The following ACTR3B variants were observed in gnomAD, a reference collection of about 807,000 sequenced individuals.
ACTR3B encodes the protein actin-related protein 3B.
In ACTR3B, 8 loss-of-function variants were observed where a neutral mutation model predicts 59.0. The observed-to-expected ratio is 0.14, with a 90% CI of 0.08 to 0.24. ACTR3B has a LOEUF of 0.24. ACTR3B is among the 10% of genes least tolerant of loss of function. ACTR3B has a pLI of 1.00. For missense variants in ACTR3B, 245 were observed against 552.3 expected, an observed-to-expected ratio of 0.44 and a Z score of 5.58; for synonymous variants, 148 against 197.9, an observed-to-expected ratio of 0.75 and a Z score of 2.12.
intron 9 of ACTR3B, among the ~76,000 whole-genome samples, chr7:152,826,050 G>A (rs981230294): frequency 2.6e-5 from 4 of 152,094 alleles, no homozygotes; most frequent in Non-Finnish European, 5.9e-5. Context: ...TCAGCTCAGT[G>A]GCATGACTCA....
chr7:152,814,942 TCTTTGA>T (rs1194212216), intron 5 of ACTR3B, among the ~76,000 whole-genome samples: 3 of 151,658 alleles, frequency 2.0e-5, no homozygotes, highest in Admixed American at 1.3e-4. Flanking sequence ...TCTTTTGGCA[TCTTTGA>T]CTTTGATCAG....
At chr7:152,848,471 A>G (rs1014138173) in intron 9 of ACTR3B, among the ~76,000 whole-genome samples, 2 of 152,216 alleles carry the variant, frequency 1.3e-5, no homozygotes, top group Non-Finnish European at 2.9e-5. Context: ...TAGCAAAAGA[A>G]CAAAAAAACA....
At chr7:152,766,019 C>A (rs2098109020) in intron 1 of ACTR3B, among the ~76,000 whole-genome samples, 1 of 151,994 alleles carries the variant, frequency 6.6e-6, no homozygotes, top group African/African-American at 2.4e-5. Flanking sequence ...ATTTCTCTAA[C>A]TTTTCTCTGG....
intron 2 of ACTR3B, among the ~76,000 whole-genome samples, chr7:152,797,046 T>G (rs897266574): frequency 7.2e-5 from 11 of 152,010 alleles, no homozygotes; most frequent in Admixed American, 5.9e-4. Context: ...TCTCCTGAAA[T>G]TCAGTCACAA....
rs570691977 is a variant in ACTR3B, at chr7:152,853,710, T to C, written c.1161+133T>C. On this transcript the variant is annotated intron_variant, in intron 11 of 11. Coordinates refer to ENST00000256001, the MANE Select transcript of ACTR3B (RefSeq NM_020445.6). ...TCTAAACAGACCATTCTGTAAGATA[T>C]AAATTATATCTTTTTTGTTTTTTCG... The C allele has an allele frequency of 5.3e-6, 4 of 755,280 alleles. No homozygotes were observed. The South Asian group carries it at 5.7e-5, about 11-fold the overall frequency. 46.8% of individuals were successfully genotyped at this position (755,280 alleles called of 1,614,324 possible).
chr7:152,760,262 C>T (rs1050268853), intron 1 of ACTR3B, among the ~76,000 whole-genome samples: 21 of 152,210 alleles, frequency 1.4e-4, no homozygotes, highest in African/African-American at 4.8e-4. Flanking sequence ...GGGTGGACAC[C>T]CTGAGGGACA....
At chr7:152,759,976 GC>G (rs1228061863) in intron 1 of ACTR3B, 50 bp downstream of exon 1, 2 of 1,298,154 alleles carry the variant, frequency 1.5e-6, no homozygotes, top group Non-Finnish European at 2.0e-6. Context: ...CCCGCTCCCG[GC>G]CCCTGGCGTC....
chr7:152,801,164 C>T (rs1302620515), intron 3 of ACTR3B, among the ~76,000 whole-genome samples: 8 of 152,400 alleles, frequency 5.2e-5, no homozygotes, highest in Admixed American at 1.3e-4. Flanking sequence ...ACTGCAGCCT[C>T]GACCTCCTGA....
intron 2 of ACTR3B, among the ~76,000 whole-genome samples, chr7:152,788,737 C>T (rs1321237065): frequency 6.6e-6 from 1 of 152,082 alleles, no homozygotes; most frequent in Non-Finnish European, 1.5e-5. Context: ...AAAGCTCTTA[C>T]AGGCCAGGCG....
At chr7:152,766,803 T>C (rs2098111818) in intron 1 of ACTR3B, among the ~76,000 whole-genome samples, 2 of 152,338 alleles carry the variant, frequency 1.3e-5, no homozygotes, top group South Asian at 2.1e-4. Context: ...TTCTGTTTTT[T>C]TGAGACAGAG....
chr7:152,799,634 A>G (rs184105995), intron 2 of ACTR3B, among the ~76,000 whole-genome samples: 118 of 152,386 alleles, frequency 7.7e-4, no homozygotes, highest in African/African-American at 2.6e-3. Context: ...TAATTCATCC[A>G]GAAAAATGCC....
intron 9 of ACTR3B, among the ~76,000 whole-genome samples, chr7:152,836,872 AATTG>A (rs1797502537): frequency 1.3e-5 from 2 of 152,272 alleles, no homozygotes; most frequent in East Asian, 1.9e-4. Flanking sequence ...TCCTTGTGGA[AATTG>A]ATTAAGAATG....
chr7:152,854,728 T>C lies in ACTR3B; in HGVS notation c.*175T>C, dbSNP rs755806147. 20 of 600,330 alleles carry C rather than the reference T, an allele frequency of 3.3e-5. No homozygotes were observed. Among genetic ancestry groups the C allele is most frequent in the Non-Finnish European group, 5.8e-5 (20 of 344,246 alleles). 37.2% of individuals were successfully genotyped at this position (600,330 alleles called of 1,614,324 possible). ...CCCTTCAGTAAAAGCCATTTATCCG[T>C]GTGCCGACCGCTGTCTGCCAGCCTC... is the stretch of plus-strand genomic sequence containing the variant. On this transcript the variant is annotated 3_prime_UTR_variant, in exon 12 of 12. Transcript: ENST00000256001. This position sits in a 1 kb window ranked among gnomAD's most constrained non-coding sequence, Gnocchi z 4.9.
At chr7:152,778,943 CAAAAAAAAAAAAAAAAAAAAAA>C (rs59789390) in intron 1 of ACTR3B, among the ~76,000 whole-genome samples, 153 of 36,814 alleles carry the variant, frequency 4.2e-3, no homozygotes, top group African/African-American at 0.015. Context: ...ACTGTGTCTC[CAAAAAAAAAAAAAAAAAAAAAA>C]AAAAAAAAAA....
At chr7:152,829,389 C>T (rs943110954) in intron 9 of ACTR3B, among the ~76,000 whole-genome samples, 1 of 152,216 alleles carries the variant, frequency 6.6e-6, no homozygotes, top group Non-Finnish European at 1.5e-5. Context: ...CCATTCCACT[C>T]TCTGCTTCTG....
chr7:152,846,435 G>A (rs1427071124), intron 9 of ACTR3B, among the ~76,000 whole-genome samples: 2 of 144,930 alleles, frequency 1.4e-5, no homozygotes, highest in Non-Finnish European at 3.0e-5. Flanking sequence ...TGTCCGGGCT[G>A]TAGTGTGTAG....
At chr7:152,788,985 G>A (rs1290730133) in intron 2 of ACTR3B, among the ~76,000 whole-genome samples, 14 of 152,220 alleles carry the variant, frequency 9.2e-5, no homozygotes, top group Admixed American at 4.6e-4. Context: ...TTGCGTCACC[G>A]CACTCCAGCC....
chr7:152,802,966 C>T (rs1419433832), intron 4 of ACTR3B, among the ~76,000 whole-genome samples: 1 of 152,166 alleles, frequency 6.6e-6, no homozygotes, highest in Admixed American at 6.5e-5. Context: ...CTGAAATTGC[C>T]AAGTATGGCT....
At chr7:152,806,204 C>T (rs1365096320) in intron 4 of ACTR3B, among the ~76,000 whole-genome samples, 1 of 152,056 alleles carries the variant, frequency 6.6e-6, no homozygotes, top group African/African-American at 2.4e-5. Context: ...CATTTGTCTC[C>T]TAAAGGAATA....
Sources: allele counts gnomAD v4.1 joint callset (sites outside exome capture counted in the v4.1 genomes callset), GRCh38; gene constraint gnomAD v4.1.1; non-coding constraint Gnocchi (gnomAD v3.1); transcripts MANE v1.5; gene names NCBI Gene and HGNC (gene_info 2026-07-23, HGNC 2026-07-21).